TMCC3: variants seen among roughly 807,000 people sequenced by gnomAD.
TMCC3 encodes the protein transmembrane and coiled-coil domain family 3, also known as transmembrane and coiled-coil domain protein 3.
Under a neutral mutation model 40.2 loss-of-function variants are expected in TMCC3, and 28 were observed. The ratio of observed to expected loss-of-function variants is 0.70; its 90% CI spans 0.52 to 0.95. The LOEUF is 0.95. Ranked by LOEUF, TMCC3 falls within the 40% of genes least tolerant of loss-of-function variation. The pLI is 0.00. For missense variants in TMCC3, 554 were observed against 615.2 expected (o/e 0.90, Z 1.05); for synonymous variants, 255 against 248.5 (o/e 1.03, Z -0.25).
chr12:94,636,547 TTA>T (rs2068961838), intron 1 of TMCC3, among the ~76,000 whole-genome samples: 1 of 152,362 alleles, frequency 6.6e-6, no homozygotes, highest in Admixed American at 6.5e-5. Context: ...TATGGCTACA[TTA>T]TGTTATATGG....
chr12:94,581,016 T>C (rs1463061365), intron 2 of TMCC3, among the ~76,000 whole-genome samples: 1 of 152,170 alleles, frequency 6.6e-6, no homozygotes, highest in Non-Finnish European at 1.5e-5. Flanking sequence ...ATTATAAACT[T>C]AGAATCATGA....
In TMCC3 at chr12:94,582,366, A is replaced by G; in HGVS notation, c.251T>C (p.Ile84Thr). 6.2e-7 allele frequency: 1 copy of G among 1,613,636 alleles called. No individual in the cohort carries two copies. Among genetic ancestry groups the G allele is most frequent in the African/African-American group, 1.3e-5 (1 of 74,862 alleles). ...ATTCCCATCGCGCGATGTTTGCTCAATTTTTATCTGCTCTGTTACCTTTAG... is the reference window on the plus strand; with the variant it reads ...ATTCCCATCGCGCGATGTTTGCTCAGTTTTTATCTGCTCTGTTACCTTTAG... Reference protein sequence around the residue: ...KILKVTEQIKIEQTSRDGNVA... With the variant: ...KILKVTEQIKTEQTSRDGNVA... The change falls in exon 2 of 4, where the codon ATT becomes ACT. Residue 84 changes from isoleucine to threonine, a missense_variant. Transcript: ENST00000261226.
At chr12:94,623,952 A>G (rs963014986) in intron 1 of TMCC3, among the ~76,000 whole-genome samples, 10 of 152,274 alleles carry the variant, frequency 6.6e-5, no homozygotes, top group African/African-American at 2.4e-4. Context: ...GCAAGCCACA[A>G]AAGTTATAAT....
At chr12:94,579,783 C>T (rs946790537) in intron 2 of TMCC3, among the ~76,000 whole-genome samples, 3 of 152,316 alleles carry the variant, frequency 2.0e-5, no homozygotes, top group East Asian at 3.9e-4. Flanking sequence ...TTCAGTAATA[C>T]AGGTGGTGAC....
At chr12:94,640,875 G>C (rs890461405) in intron 1 of TMCC3, among the ~76,000 whole-genome samples, 13 of 152,178 alleles carry the variant, frequency 8.5e-5, no homozygotes, top group African/African-American at 2.9e-4. Flanking sequence ...TGGGGGCAAC[G>C]AGGAAAAGAC....
intron 1 of TMCC3, among the ~76,000 whole-genome samples, chr12:94,621,258 C>A (rs11107625): frequency 2.6e-5 from 4 of 152,162 alleles, no homozygotes; most frequent in African/African-American, 7.2e-5. Flanking sequence ...GTTAACACTG[C>A]GGGTAAGCAA....
chr12:94,598,522 TAGG>T, intron 1 of TMCC3: 2 of 949,754 alleles, frequency 2.1e-6, no homozygotes. Flanking sequence ...CATTCATAAG[TAGG>T]AGAAGAAATG....
chr12:94,614,469 A>G (rs747092481), intron 1 of TMCC3, among the ~76,000 whole-genome samples: 9 of 152,186 alleles, frequency 5.9e-5, no homozygotes, highest in Non-Finnish European at 1.0e-4. Context: ...ACAGGTGGGA[A>G]GGACAGCAGA....
At chr12:94,591,079 G>T (rs529440325) in intron 1 of TMCC3, 3 of 503,456 alleles carry the variant, frequency 6.0e-6, no homozygotes, top group African/African-American at 5.9e-5. Flanking sequence ...AATGCTCTTT[G>T]TCCTGGGAGA....
rs549876550 is a variant in TMCC3 at position 94,622,355 on chromosome 12, A to G, written c.78+27998T>C. Among the ~76,000 whole-genome samples the G allele has an allele frequency of 5.9e-5, 9 of 152,302 alleles. No individual in the cohort carries two copies. The East Asian group carries it at 1.5e-3, about 26-fold the overall frequency. ...CACGATCTCACAACATACAGCTATAATCAGTTCCACAAAGAATATGTTATA... is the reference window on the plus strand; with the variant it reads ...CACGATCTCACAACATACAGCTATAGTCAGTTCCACAAAGAATATGTTATA... On this transcript the variant is annotated intron_variant, in intron 1 of 3. Transcript: ENST00000261226.
At chr12:94,597,813 T>A (rs960129597) in intron 1 of TMCC3, among the ~76,000 whole-genome samples, 5 of 151,788 alleles carry the variant, frequency 3.3e-5, no homozygotes, top group Admixed American at 6.6e-5. Context: ...TCTCAAAAAA[T>A]AAATAAATAA....
At chr12:94,614,699 C>G (rs569013114) in intron 1 of TMCC3, among the ~76,000 whole-genome samples, 1 of 152,090 alleles carries the variant, frequency 6.6e-6, no homozygotes, top group South Asian at 2.1e-4. Context: ...GAGGCTATTG[C>G]ATGATATGCT....
Position 94,571,553 on chromosome 12 carries a change from A to G in TMCC3, c.1316T>C (p.Met439Thr), listed in dbSNP as rs770689190. The G allele has an allele frequency of 6.2e-7, 1 of 1,614,178 alleles. No individual in the cohort carries two copies. Residue 439 changes from methionine (M) to threonine (T), a missense_variant, in exon 4 of 4, where the codon ATG becomes ACG. Physicochemically the swap from Met to Thr is moderately conservative, Grantham distance 81. Transcript: ENST00000261226. ...AAGAATGTGGCAGCGACTCTTCATC[A>G]TGGGTGAGACGAACTTCGCGATGGT... ...VSTIAKFVSPMMKSRCHILGT... is the reference protein window; with the variant it reads ...VSTIAKFVSPTMKSRCHILGT...
chr12:94,572,024 G>A lies in TMCC3; in HGVS notation c.1132-287C>T, dbSNP rs570830615. ...TGACTTTACCTGTTTTTTTTGAGAT[G>A]TAGTCTTGCTCTGTCGCCAGGCTGG... On this transcript the variant is annotated intron_variant, in intron 3 of 3. Transcript: ENST00000261226. 6.3e-3 allele frequency among the ~76,000 whole-genome samples: 966 copies of A among 152,238 alleles called. 10 individuals are homozygous for A. The highest frequency in any genetic ancestry group is 0.022 in the African/African-American group (933 of 41,550).
intron 1 of TMCC3, among the ~76,000 whole-genome samples, chr12:94,621,495 G>A (rs938159071): frequency 5.3e-5 from 8 of 152,254 alleles, no homozygotes; most frequent in African/African-American, 9.6e-5. Context: ...AGTATATCCC[G>A]AACACCAAAT....
chr12:94,634,292 C>A (rs2068948925), intron 1 of TMCC3, among the ~76,000 whole-genome samples: 2 of 151,950 alleles, frequency 1.3e-5, no homozygotes, highest in South Asian at 4.2e-4. Flanking sequence ...ATTCTAATTA[C>A]CCCAAACATG....
intron 1 of TMCC3, among the ~76,000 whole-genome samples, chr12:94,638,233 G>A (rs2068971286): frequency 6.6e-6 from 1 of 152,190 alleles, no homozygotes; most frequent in Non-Finnish European, 1.5e-5. Flanking sequence ...GTCACTAGAG[G>A]TGTCTTAAGG....
chr12:94,632,899 G>T (rs1246332555), intron 1 of TMCC3, among the ~76,000 whole-genome samples: 1 of 152,158 alleles, frequency 6.6e-6, no homozygotes, highest in African/African-American at 2.4e-5. Context: ...TTGAGGTCAG[G>T]AGTTGAAGAC....
At chr12:94,644,949 C>T (rs1012893802) in intron 1 of TMCC3, among the ~76,000 whole-genome samples, 1 of 152,216 alleles carries the variant, frequency 6.6e-6, no homozygotes, top group Non-Finnish European at 1.5e-5. Flanking sequence ...GTGGCACTCA[C>T]GCTTGACACA....
Sources: allele counts gnomAD v4.1 joint callset (sites outside exome capture counted in the v4.1 genomes callset), GRCh38; gene constraint gnomAD v4.1.1; transcripts MANE v1.5; gene names NCBI Gene and HGNC (gene_info 2026-07-23, HGNC 2026-07-21).